Variants in DNAH6 observed in about 807,000 individuals in gnomAD.
DNAH6 encodes axonemal beta dynein heavy chain 6.
A neutral mutation model predicts 491.4 loss-of-function variants in DNAH6; 340 were observed. The observed-to-expected ratio is 0.69, with a 90% CI of 0.63 to 0.76. The LOEUF (loss-of-function observed/expected upper bound fraction) is 0.76. Among genes scored for constraint, DNAH6 ranks in the 30% least tolerant of loss-of-function variants. DNAH6 has a pLI of 0.00. For synonymous variants in DNAH6, 1,603 were observed against 1,686.1 expected, an observed-to-expected ratio of 0.95 and a Z score of 1.21; for missense variants, 4,443 against 4,972.2, an observed-to-expected ratio of 0.89 and a Z score of 3.20.
Position 84,518,069 on chromosome 2 carries a change from T to G in DNAH6, c.225+18T>G. 1 of 1,517,118 alleles carries G rather than the reference T, an allele frequency of 6.6e-7. No individual in the cohort carries two copies. The highest frequency in any genetic ancestry group is 1.3e-5 in the South Asian group (1 of 78,366). 94.0% of individuals were successfully genotyped at this position (1,517,118 alleles called of 1,614,324 possible). A position where few individuals can be genotyped will look rare whatever the true frequency, so the allele number is the denominator to read the frequency against. ...AGCCTTTGGTAAGTTCAAAAACCAT[T>G]GTTTTAGCCTCTGTAGCCACAGAGG... On this transcript the variant is annotated intron_variant, in intron 2 of 76. Transcript: ENST00000389394.
rs543639807 is a variant in DNAH6 at position 84,777,738 on chromosome 2, G to A, written c.10704-3755G>A. ...CCCAGCCCTTCCCCCATCAGGTAAC[G>A]GAATCGGGCTGAATCCAGATTGCAA... On this transcript the variant is annotated intron_variant, in intron 64 of 76. Transcript: ENST00000389394. 2.8e-4 allele frequency: 241 copies of A among 856,050 alleles called. 1 individual carries two copies. The highest frequency in any genetic ancestry group is 1.5e-3 in the East Asian group (63 of 41,494). 53.0% of individuals were successfully genotyped at this position (856,050 alleles called of 1,614,324 possible). A position where few individuals can be genotyped will look rare whatever the true frequency, so the allele number is the denominator to read the frequency against.
chr2:84,465,365 G>C, the DNAH6 span, among the ~76,000 whole-genome samples: 1 of 152,070 alleles, frequency 6.6e-6, no homozygotes, highest in Non-Finnish European at 1.5e-5. Context: ...TGTGGTGGCA[G>C]GCACCTGTAG....
intron 26 of DNAH6, 102 bp from the exon 27 acceptor site, chr2:84,624,163 T>C: frequency 1.9e-6 from 2 of 1,053,742 alleles, no homozygotes; most frequent in Non-Finnish European, 2.7e-6. Context: ...TAAAATTAGC[T>C]GGTTTTTAGC....
intron 16 of DNAH6, among the ~76,000 whole-genome samples, chr2:84,593,069 A>G (rs1465307806): frequency 6.6e-6 from 1 of 152,188 alleles, no homozygotes; most frequent in African/African-American, 2.4e-5. Context: ...AAAATTTATT[A>G]AAAGAATAGA....
At chr2:84,777,650 A>G (rs1676274009) in intron 64 of DNAH6, 1 of 810,926 alleles carries the variant, frequency 1.2e-6, no homozygotes, top group South Asian at 1.3e-5. Flanking sequence ...TCCACTCCAT[A>G]CAGGCACACT....
rs915729666 is a variant in DNAH6, at chr2:84,624,928, A to C, written c.4380A>C (p.Gly1460=). Residue 1460 remains glycine (G), a synonymous_variant, in exon 29 of 77, where the codon GGA becomes GGC. Transcript: ENST00000389394. ...ATCGCTGCTATCTTTGCCTCATGGGAGCTTTGCAGCTTGACCTTGGGGGTG... is the reference window on the plus strand; with the variant it reads ...ATCGCTGCTATCTTTGCCTCATGGGCGCTTTGCAGCTTGACCTTGGGGGTG... ...LTDRCYLCLM[G]ALQLDLGGAP... is the part of the protein sequence containing the mutation. The C allele has an allele frequency of 2.6e-6, 4 of 1,550,840 alleles. No individual in the cohort carries two copies. The Admixed American group carries it at 5.9e-5, about 23-fold the overall frequency.
At chr2:84,512,186 T>A (rs540091718), upstream of DNAH6, among the ~76,000 whole-genome samples, 11 of 152,316 alleles carry the variant, frequency 7.2e-5, no homozygotes, top group South Asian at 4.1e-4. Context: ...CAATTTGGTG[T>A]GACTATAATG....
At chr2:84,691,836 TA>T (rs1462562340) in intron 45 of DNAH6, among the ~76,000 whole-genome samples, 3 of 152,238 alleles carry the variant, frequency 2.0e-5, no homozygotes, top group Non-Finnish European at 4.4e-5. Context: ...CATGGGTCAT[TA>T]AAAAACCACA....
Position 84,705,598 on chromosome 2 carries a change from T to C in DNAH6, c.8578T>C (p.Tyr2860His), listed in dbSNP as rs1696351321. 1.3e-6 allele frequency: 2 copies of C among 1,551,612 alleles called. No individual in the cohort carries two copies. The highest frequency in any genetic ancestry group is 2.4e-5 in the East Asian group (1 of 40,920). ...KPQILAKLQK[Y>H]INNPDFVPEK... The stretch of plus-strand genomic sequence containing the variant: ...TCAGATATTGGCAAAGCTTCAAAAG[T>C]ATATTAATAATCCTGATTTTGTGCC... Residue 2860 changes from tyrosine to histidine, a missense_variant, in exon 52 of 77, where the codon TAT becomes CAT. Around this residue, in one of 3 missense-constraint regions of DNAH6, gnomAD observed 1,463 missense variants for 1,656.6 expected, o/e 0.88. Coordinates refer to ENST00000389394, the MANE Select transcript of DNAH6 (RefSeq NM_001370.2).
chr2:84,705,408 T>C (rs949726674), intron 51 of DNAH6, 78 bp from the exon 52 acceptor site: 2 of 1,286,224 alleles, frequency 1.6e-6, no homozygotes, highest in Non-Finnish European at 2.1e-6. Context: ...AATATCATAA[T>C]GTTCTCAAAG....
At chr2:84,709,623 G>C in intron 55 of DNAH6, 77 bp downstream of exon 55, 1 of 1,456,428 alleles carries the variant, frequency 6.9e-7, no homozygotes, top group Non-Finnish European at 9.4e-7. Flanking sequence ...TATAAAAGTG[G>C]GCCTCAATGT....
chr2:84,595,540 G>A, intron 17 of DNAH6, 106 bp from the exon 18 acceptor site: 1 of 1,002,070 alleles, frequency 1.0e-6, no homozygotes, highest in East Asian at 2.7e-5. Context: ...ATTTCCAAAA[G>A]CATAGTGTAG....
chr2:84,658,148 T>C, intron 35 of DNAH6, 144 bp from the exon 36 acceptor site: 2 of 482,648 alleles, frequency 4.1e-6, no homozygotes, highest in Non-Finnish European at 6.8e-6. Flanking sequence ...TAAAATTTAA[T>C]TTGTTTAATA....
chr2:84,480,544 G>A, the DNAH6 span, among the ~76,000 whole-genome samples: 28 of 152,184 alleles, frequency 1.8e-4, no homozygotes, highest in Non-Finnish European at 3.8e-4. Flanking sequence ...TGTCAAGCAC[G>A]TAGAAGAGAG....
At chr2:84,696,802 A>G (rs1159836409) in intron 46 of DNAH6, among the ~76,000 whole-genome samples, 1 of 152,154 alleles carries the variant, frequency 6.6e-6, no homozygotes, top group East Asian at 1.9e-4. Flanking sequence ...GTTGAAAGAC[A>G]AAAAGTCTAT....
intron 26 of DNAH6, among the ~76,000 whole-genome samples, chr2:84,622,577 T>C (rs957891288): frequency 6.6e-6 from 1 of 152,150 alleles, no homozygotes; most frequent in Non-Finnish European, 1.5e-5. Context: ...CGTTCATCCA[T>C]TGATGGACAC....
At chr2:84,476,974 T>C in the DNAH6 span, among the ~76,000 whole-genome samples, 10 of 152,262 alleles carry the variant, frequency 6.6e-5, no homozygotes, top group African/African-American at 2.4e-4. Context: ...ATCCTCCACT[T>C]TCACATGCTC....
At chr2:84,776,718 A>G (rs532755749) in intron 64 of DNAH6, among the ~76,000 whole-genome samples, 8 of 152,298 alleles carry the variant, frequency 5.3e-5, no homozygotes, top group African/African-American at 1.7e-4. Flanking sequence ...TAATGATACC[A>G]TTTGACCCAG....
At chr2:84,519,795 C>G (rs4240193) in intron 2 of DNAH6, among the ~76,000 whole-genome samples, 1 of 151,798 alleles carries the variant, frequency 6.6e-6, no homozygotes, top group Admixed American at 6.6e-5. Flanking sequence ...ACATTGATGA[C>G]ATCTAGTATA....
Sources: gnomAD v4.1 joint callset for allele counts (sites outside exome capture counted in the v4.1 genomes callset) on GRCh38, gnomAD v4.1.1 for gene constraint, gnomAD v4.1.1 regional missense constraint, MANE v1.5 for transcripts, NCBI Gene and HGNC (gene_info 2026-07-23, HGNC 2026-07-21) for gene names.